ABRAXAS2: variants seen among roughly 807,000 people sequenced by gnomAD.
ABRAXAS2 encodes BRISC complex subunit Abraxas 2.
ABRAXAS2 carries 23 observed loss-of-function variants against 49.0 expected under a neutral mutation model. That is an observed-to-expected ratio of 0.47 (90% CI 0.34 to 0.66). The LOEUF (loss-of-function observed/expected upper bound fraction) is 0.66. ABRAXAS2 is among the 30% of genes least tolerant of loss of function. ABRAXAS2 has a pLI of 0.01. For missense variants in ABRAXAS2, 443 were observed against 511.9 expected (o/e 0.87, Z 1.30); for synonymous variants, 168 against 180.2 (o/e 0.93, Z 0.54).
At chr10:124,828,613 A>G (rs1396916917) in intron 5 of ABRAXAS2, 143 bp from the exon 6 acceptor site, 5 of 607,894 alleles carry the variant, frequency 8.2e-6, no homozygotes, top group Non-Finnish European at 1.3e-5. Context: ...ACCTCAGGTG[A>G]TCTGCCTGCC....
At chr10:124,831,840 GTCTT>G (rs1310756832) in intron 8 of ABRAXAS2, among the ~76,000 whole-genome samples, 6 of 106,208 alleles carry the variant, frequency 5.6e-5, no homozygotes, top group East Asian at 3.0e-4. Flanking sequence ...ACTGTGTCCT[GTCTT>G]TTTTTTTTTT....
At position 124,831,393 on chromosome 10, in the gene ABRAXAS2, T is replaced by C; in HGVS notation, c.708T>C (p.Ser236=). 2 of 1,613,438 alleles carry C rather than the reference T, an allele frequency of 1.2e-6. No homozygotes were observed. Among genetic ancestry groups the C allele is most frequent in the Non-Finnish European group, 1.7e-6 (2 of 1,179,570 alleles). Residue 236 remains serine, a synonymous_variant, in exon 8 of 9, where the codon TCT becomes TCC. Transcript: ENST00000298492. ...DVEKSERVVE[S]CQAEVNKLRR... is the part of the protein sequence containing the mutation. ...AAAAGAGTGAGCGAGTTGTTGAATC[T>C]TGTCAGGCAGAAGTGAACAAATTAA...
At chr10:124,832,437 G>A (rs1950939363) in intron 8 of ABRAXAS2, among the ~76,000 whole-genome samples, 1 of 152,036 alleles carries the variant, frequency 6.6e-6, no homozygotes, top group Non-Finnish European at 1.5e-5. Context: ...ATAAGGTTAG[G>A]GCTAAACTTT....
Position 124,835,596 on chromosome 10 carries a change from A to G in ABRAXAS2, c.*625A>G, listed in dbSNP as rs1564927371. ...CACTTAAAATGGTTGCCTTTAAAAAAAAAAAGTAGAGATACTAATTACCAG... is the reference window on the plus strand; with the variant it reads ...CACTTAAAATGGTTGCCTTTAAAAAGAAAAAGTAGAGATACTAATTACCAG... On this transcript the variant is annotated 3_prime_UTR_variant, in exon 9 of 9. Coordinates refer to ENST00000298492, the MANE Select transcript of ABRAXAS2 (RefSeq NM_032182.4). The G allele has an allele frequency of 6.6e-6, 1 of 152,592 alleles. No individual in the cohort carries two copies. Among genetic ancestry groups the G allele is most frequent in the Non-Finnish European group, 1.5e-5 (1 of 68,048 alleles). 9.5% of individuals were successfully genotyped at this position (152,592 alleles called of 1,614,324 possible).
Position 124,834,974 on chromosome 10 carries a change from A to G in ABRAXAS2, c.*3A>G. 1.3e-6 allele frequency: 2 copies of G among 1,576,570 alleles called. No individual in the cohort carries two copies. The highest frequency in any genetic ancestry group is 1.7e-6 in the Non-Finnish European group (2 of 1,163,216). ...ACACTCAGACCTCCCAGATTTAACT[A>G]AACAAAAGAAACTCTCCACCTAGCA... On this transcript the variant is annotated 3_prime_UTR_variant, in exon 9 of 9. Transcript: ENST00000298492.
At chr10:124,829,507 T>G in intron 7 of ABRAXAS2, 30 bp downstream of exon 7, 3 of 1,444,842 alleles carry the variant, frequency 2.1e-6, no homozygotes, top group Non-Finnish European at 2.9e-6. Flanking sequence ...GTTTTCATCT[T>G]ATTTGTCTTG....
intron 2 of ABRAXAS2, among the ~76,000 whole-genome samples, chr10:124,810,945 C>A (rs1051183687): frequency 3.3e-5 from 5 of 149,850 alleles, no homozygotes; most frequent in Non-Finnish European, 7.4e-5. Context: ...AACAGCCGGG[C>A]GTGGTGGCTC....
chr10:124,828,943 A>G (rs1950914022), intron 6 of ABRAXAS2, 68 bp downstream of exon 6: 1 of 1,537,930 alleles, frequency 6.5e-7, no homozygotes, highest in Non-Finnish European at 8.9e-7. Flanking sequence ...ATAACATTTA[A>G]AAGGTGTATG....
At chr10:124,819,181 A>G (rs548435290) in intron 3 of ABRAXAS2, among the ~76,000 whole-genome samples, 1 of 152,350 alleles carries the variant, frequency 6.6e-6, no homozygotes, top group Non-Finnish European at 1.5e-5. Flanking sequence ...TTTTGAATGT[A>G]GCAATCTCTT....
chr10:124,825,759 T>C (rs1412421788), intron 4 of ABRAXAS2, among the ~76,000 whole-genome samples: 1 of 152,232 alleles, frequency 6.6e-6, no homozygotes, highest in East Asian at 1.9e-4. Flanking sequence ...AAGAATTAAA[T>C]GTTTTGAAAA....
Position 124,835,164 on chromosome 10 carries a change from T to C in ABRAXAS2, c.*193T>C, listed in dbSNP as rs1950962102. The stretch of plus-strand genomic sequence containing the variant: ...CTTTGGATACAGTGTGCAAGTTTCA[T>C]GACAGAATCATTAAGATAATCAAAT... On this transcript the variant is annotated 3_prime_UTR_variant, in exon 9 of 9. Coordinates refer to ENST00000298492, the MANE Select transcript of ABRAXAS2 (RefSeq NM_032182.4). The C allele has an allele frequency of 6.0e-6, 3 of 497,838 alleles. No homozygotes were observed. The highest frequency in any genetic ancestry group is 3.5e-6 in the Non-Finnish European group (1 of 284,444). The allele number at this position is 497,838 out of a possible 1,614,324, so 30.8% of individuals were successfully genotyped here. A position where few individuals can be genotyped will look rare whatever the true frequency, so the allele number is the denominator to read the frequency against.
intron 4 of ABRAXAS2, among the ~76,000 whole-genome samples, chr10:124,822,613 C>G (rs1311045072): frequency 6.6e-6 from 1 of 151,932 alleles, no homozygotes; most frequent in East Asian, 1.9e-4. Context: ...GCTGACATGG[C>G]AAAACCCTGT....
Position 124,834,732 on chromosome 10 carries a change from G to A in ABRAXAS2, c.1009G>A (p.Val337Met). The A allele has an allele frequency of 6.2e-7, 1 of 1,614,134 alleles. No homozygotes were observed. The highest frequency in any genetic ancestry group is 8.5e-7 in the Non-Finnish European group (1 of 1,180,030). ...TGTCTTTATGCCTCGACCTCAAGCT[G>A]TGGGCTCTTCCAATTATGCTTCCAC... ...RSVFMPRPQA[V>M]GSSNYASTSA... is the part of the protein sequence containing the mutation. The change falls in exon 9 of 9, where the codon GTG becomes ATG. Residue 337 changes from valine (V) to methionine (M), a missense_variant. By Grantham distance (21) the Val-to-Met change is conservative. Transcript: ENST00000298492.
In ABRAXAS2 at chr10:124,834,723, C is replaced by A; in HGVS notation, c.1000C>A (p.Pro334Thr). ...GGAAAGGAGTGTCTTTATGCCTCGA[C>A]CTCAAGCTGTGGGCTCTTCCAATTA... ...RMERSVFMPR[P>T]QAVGSSNYAS... Residue 334 changes from proline (P) to threonine (T), a missense_variant, in exon 9 of 9, where the codon CCT becomes ACT. Pro to Thr is a conservative substitution (Grantham distance 38). Transcript: ENST00000298492. The A allele has an allele frequency of 6.2e-7, 1 of 1,614,126 alleles. No individual in the cohort carries two copies. The highest frequency in any genetic ancestry group is 8.5e-7 in the Non-Finnish European group (1 of 1,180,022).
intron 7 of ABRAXAS2, 42 bp from the exon 8 acceptor site, chr10:124,831,307 G>A (rs780397877): frequency 8.2e-7 from 1 of 1,218,694 alleles, no homozygotes. Context: ...AATGCCTTGT[G>A]CTTGAACTTG....
At chr10:124,834,470 A>G (rs768156784) in intron 8 of ABRAXAS2, 32 bp from the exon 9 acceptor site, 2 of 1,561,348 alleles carry the variant, frequency 1.3e-6, no homozygotes, top group African/African-American at 2.7e-5. Context: ...GAGAATCTAG[A>G]AAGTGTTAGA....
chr10:124,825,656 A>G (rs1589808812), intron 4 of ABRAXAS2, among the ~76,000 whole-genome samples: 1 of 152,354 alleles, frequency 6.6e-6, no homozygotes, highest in South Asian at 2.1e-4. Context: ...ATATGACACT[A>G]TTAGATTTAA....
At chr10:124,816,932 A>G (rs1036807081) in intron 3 of ABRAXAS2, among the ~76,000 whole-genome samples, 2 of 152,238 alleles carry the variant, frequency 1.3e-5, no homozygotes, top group African/African-American at 4.8e-5. Context: ...TTTGTGTTCA[A>G]CTTTAAAAAT....
intron 2 of ABRAXAS2, among the ~76,000 whole-genome samples, chr10:124,808,749 C>T (rs1950764398): frequency 6.6e-6 from 1 of 152,158 alleles, no homozygotes; most frequent in Non-Finnish European, 1.5e-5. Context: ...GAGCACAGAA[C>T]GAGGTCTGCA....
Sources: gnomAD v4.1 joint callset for allele counts (sites outside exome capture counted in the v4.1 genomes callset) on GRCh38, gnomAD v4.1.1 for gene constraint, MANE v1.5 for transcripts, NCBI Gene and HGNC (gene_info 2026-07-23, HGNC 2026-07-21) for gene names.